SLC35D1: variants seen among roughly 807,000 people sequenced by gnomAD.
The protein encoded by SLC35D1 is solute carrier family 35 member D1.
Under a neutral mutation model 46.7 loss-of-function variants are expected in SLC35D1, and 31 were observed. The observed-to-expected ratio is 0.66, with a 90% CI of 0.50 to 0.90. The LOEUF (loss-of-function observed/expected upper bound fraction) is 0.90. SLC35D1 is among the 40% of genes least tolerant of loss of function. The pLI is 0.00. For missense variants in SLC35D1, 397 were observed against 426.2 expected (o/e 0.93, Z 0.60); for synonymous variants, 195 against 164.6 (o/e 1.18, Z -1.41).
Position 66,999,954 on chromosome 1 carries a change from A to C in SLC35D1, c.*4386T>G, listed in dbSNP as rs928482708. The C allele has an allele frequency of 9.5e-4, 145 of 152,318 alleles. No homozygotes were observed. Among genetic ancestry groups the C allele is most frequent in the African/African-American group, 3.4e-3 (142 of 41,578 alleles). 9.4% of individuals were successfully genotyped at this position (152,318 alleles called of 1,614,324 possible). A position where few individuals can be genotyped will look rare whatever the true frequency, so the allele number is the denominator to read the frequency against. On this transcript the variant is annotated 3_prime_UTR_variant, in exon 12 of 12. Transcript: ENST00000235345. ...TAACTGAATTGACATTCTAAAATGTAACTATGTTTCTTTAAGATAGAAAAT... is the reference window on the plus strand; with the variant it reads ...TAACTGAATTGACATTCTAAAATGTCACTATGTTTCTTTAAGATAGAAAAT...
the SLC35D1 span, chr1:66,976,561 G>A: frequency 6.5e-7 from 1 of 1,528,828 alleles, no homozygotes; most frequent in Non-Finnish European, 8.8e-7. Flanking sequence ...TGTTAAAAAG[G>A]AGATTCTTAA....
chr1:67,043,434 A>T (rs1570640223), intron 7 of SLC35D1, among the ~76,000 whole-genome samples: 1 of 152,190 alleles, frequency 6.6e-6, no homozygotes, highest in East Asian at 1.9e-4. Context: ...CCAGCTACTC[A>T]GGAGACTGAG....
intron 10 of SLC35D1, among the ~76,000 whole-genome samples, chr1:67,013,395 T>C (rs1667616087): frequency 6.6e-6 from 1 of 150,876 alleles, no homozygotes; most frequent in African/African-American, 2.4e-5. Context: ...AAAAATAAAA[T>C]AAAATAAAAG....
chr1:66,980,854 G>A, the SLC35D1 span, among the ~76,000 whole-genome samples: 2 of 151,908 alleles, frequency 1.3e-5, no homozygotes, highest in Non-Finnish European at 2.9e-5. Context: ...TTTATGCTCT[G>A]TAGTAAGAAA....
chr1:66,982,188 C>T, the SLC35D1 span, among the ~76,000 whole-genome samples: 1 of 152,068 alleles, frequency 6.6e-6, no homozygotes, highest in African/African-American at 2.4e-5. Flanking sequence ...ATCTCTTTTC[C>T]TGTCTTGTCT....
At chr1:66,997,806 T>C (rs556251418), downstream of SLC35D1, among the ~76,000 whole-genome samples, 3 of 147,752 alleles carry the variant, frequency 2.0e-5, no homozygotes, top group East Asian at 5.8e-4. Flanking sequence ...TTGTTATTTA[T>C]ATATTATATG....
chr1:66,976,915 C>T, the SLC35D1 span, among the ~76,000 whole-genome samples: 1 of 152,020 alleles, frequency 6.6e-6, no homozygotes, highest in African/African-American at 2.4e-5. Flanking sequence ...ATAAATAAGG[C>T]ATTTAGACTT....
intron 6 of SLC35D1, among the ~76,000 whole-genome samples, chr1:67,049,242 C>T (rs746716980): frequency 6.6e-5 from 10 of 151,088 alleles, no homozygotes; most frequent in Middle Eastern, 6.8e-3. Flanking sequence ...TGCAGTGAGC[C>T]GAGAGCCCAC....
intron 3 of SLC35D1, 30 bp downstream of exon 3, chr1:67,052,741 C>A (rs756943242): frequency 5.0e-6 from 8 of 1,606,044 alleles, no homozygotes; most frequent in Non-Finnish European, 6.0e-6. Flanking sequence ...CTTCATTTCA[C>A]AAAATAAAGT....
At chr1:67,030,168 C>T (rs1392547590) in intron 8 of SLC35D1, among the ~76,000 whole-genome samples, 1 of 152,182 alleles carries the variant, frequency 6.6e-6, no homozygotes, top group Non-Finnish European at 1.5e-5. Context: ...CTCACCACTG[C>T]TTCATTATGC....
the SLC35D1 span, chr1:66,976,498 A>T: frequency 8.4e-7 from 1 of 1,189,760 alleles, no homozygotes; most frequent in Non-Finnish European, 1.2e-6. Flanking sequence ...TATTTCAGTT[A>T]AGGACTAGCC....
At chr1:67,038,529 T>C (rs1668170764) in intron 8 of SLC35D1, among the ~76,000 whole-genome samples, 1 of 137,524 alleles carries the variant, frequency 7.3e-6, no homozygotes, top group South Asian at 2.6e-4. Flanking sequence ...CTCCTGTGAC[T>C]GAATCACTGG....
At chr1:67,032,628 C>G (rs975127873) in intron 8 of SLC35D1, among the ~76,000 whole-genome samples, 1 of 152,070 alleles carries the variant, frequency 6.6e-6, no homozygotes, top group African/African-American at 2.4e-5. Context: ...TTGCAGTGAG[C>G]CGAGATCGCA....
chr1:67,036,863 C>G (rs1276017304), intron 8 of SLC35D1, among the ~76,000 whole-genome samples: 1 of 151,980 alleles, frequency 6.6e-6, no homozygotes, highest in East Asian at 1.9e-4. Flanking sequence ...TTCCTTCTTT[C>G]CTTCCTTCCT....
At chr1:66,978,411 G>A in the SLC35D1 span, among the ~76,000 whole-genome samples, 2 of 152,082 alleles carry the variant, frequency 1.3e-5, no homozygotes, top group South Asian at 2.1e-4. Flanking sequence ...AATGGAGTGT[G>A]TACATCATCC....
the SLC35D1 span, chr1:66,984,902 T>C: frequency 1.3e-6 from 2 of 1,574,616 alleles, no homozygotes; most frequent in Non-Finnish European, 1.7e-6. Flanking sequence ...GATGACTAAA[T>C]TTTAGACCTA....
At position 67,053,074 on chromosome 1, in the gene SLC35D1, T is replaced by C. The variant is rs1558169223; in HGVS notation, c.204-85A>G. ...TCAATTTGCACATCGGCAACGTTAA[T>C]AAGGCATTCCGATACAAGCCACATC... On this transcript the variant is annotated intron_variant, in intron 1 of 11. Transcript: ENST00000235345. 2.7e-6 allele frequency: 4 copies of C among 1,465,284 alleles called. No individual in the cohort carries two copies. The South Asian group carries it at 4.8e-5, about 17-fold the overall frequency. The allele number at this position is 1,465,284 out of a possible 1,614,324, so 90.8% of individuals were successfully genotyped here.
At chr1:67,007,306 C>G (rs1570605716) in intron 11 of SLC35D1, among the ~76,000 whole-genome samples, 1 of 152,154 alleles carries the variant, frequency 6.6e-6, no homozygotes, top group Non-Finnish European at 1.5e-5. Flanking sequence ...GGTTCACAGA[C>G]AGTATCTTCT....
chr1:66,985,281 T>G, the SLC35D1 span: 7 of 984,028 alleles, frequency 7.1e-6, no homozygotes, highest in Admixed American at 4.3e-4. Context: ...TTGCTTAGTT[T>G]GATGGATGAA....
Sources: gnomAD v4.1 joint callset for allele counts (sites outside exome capture counted in the v4.1 genomes callset) on GRCh38, gnomAD v4.1.1 for gene constraint, MANE v1.5 for transcripts, NCBI Gene and HGNC (gene_info 2026-07-23, HGNC 2026-07-21) for gene names.